The following RAD18 variants were observed in gnomAD, a reference collection of about 807,000 sequenced individuals.
RAD18 encodes the protein E3 ubiquitin-protein ligase RAD18.
Under a neutral mutation model 60.4 loss-of-function variants are expected in RAD18, and 47 were observed. The ratio of observed to expected loss-of-function variants is 0.78; its 90% CI spans 0.62 to 0.99. The LOEUF (loss-of-function observed/expected upper bound fraction) is 0.99. Ranked by LOEUF, RAD18 falls within the 50% of genes least tolerant of loss-of-function variation. The probability of loss-of-function intolerance (pLI) is 0.00; values close to 1 mark genes in which losing one functional copy is unlikely to be tolerated. For missense variants in RAD18, 640 were observed against 593.3 expected, an observed-to-expected ratio of 1.08 and a Z score of -0.82; for synonymous variants, 225 against 195.5, an observed-to-expected ratio of 1.15 and a Z score of -1.26.
At chr3:8,960,499 T>C (rs1330427872) in intron 1 of RAD18, among the ~76,000 whole-genome samples, 1 of 152,188 alleles carries the variant, frequency 6.6e-6, no homozygotes, top group Non-Finnish European at 1.5e-5. Context: ...AAAAAAGGAC[T>C]AATGTCGCTA....
At chr3:8,917,449 AAC>A (rs1940224685) in intron 7 of RAD18, among the ~76,000 whole-genome samples, 3 of 152,202 alleles carry the variant, frequency 2.0e-5, no homozygotes, top group African/African-American at 7.2e-5. Flanking sequence ...TTAATGGACA[AAC>A]AATAGCAATG....
chr3:8,958,963 C>T lies in RAD18; in HGVS notation c.90G>A (p.Glu30=), dbSNP rs146944501. ...DDLLRCGICF[E]YFNIAMIIPQ... Reference sequence around the variant, plus strand: ...GTATTATCATTGCAATGTTGAAATACTCGAAGCAAATTCCACACCGCAGCA... The same window carrying T: ...GTATTATCATTGCAATGTTGAAATATTCGAAGCAAATTCCACACCGCAGCA... The change falls in exon 2 of 13, where the codon GAG becomes GAA. Residue 30 remains glutamate, a synonymous_variant. Coordinates refer to ENST00000264926, the MANE Select transcript of RAD18 (RefSeq NM_020165.4). 1 of 1,613,868 alleles carries T rather than the reference C, an allele frequency of 6.2e-7. No homozygotes were observed. Among genetic ancestry groups the T allele is most frequent in the African/African-American group, 1.3e-5 (1 of 75,014 alleles).
rs1163543960 is a variant in RAD18, at chr3:8,879,263, G to T, written c.*2094C>A. ...CTTAACTGCCGGTATCTCAGAATGT[G>T]ACAGTATTTAGAGATAGGGCCCTCT... is the stretch of plus-strand genomic sequence containing the variant. On this transcript the variant is annotated 3_prime_UTR_variant, in exon 13 of 13. Transcript: ENST00000264926. The T allele has an allele frequency of 6.6e-6, 1 of 152,152 alleles. No individual in the cohort carries two copies. The highest frequency in any genetic ancestry group is 1.5e-5 in the Non-Finnish European group (1 of 68,038). The allele number at this position is 152,152 out of a possible 1,614,324, so 9.4% of individuals were successfully genotyped here.
chr3:8,955,999 T>G (rs1941004105), intron 2 of RAD18, among the ~76,000 whole-genome samples: 1 of 152,174 alleles, frequency 6.6e-6, no homozygotes, highest in Admixed American at 6.5e-5. Flanking sequence ...TAAGACACAG[T>G]AAGAGATTAG....
chr3:8,879,224 A>C lies in RAD18; in HGVS notation c.*2133T>G, dbSNP rs1939415034. On this transcript the variant is annotated 3_prime_UTR_variant, in exon 13 of 13. Transcript: ENST00000264926. ...GCGTGCCCCTTAACCCCTACCACTA[A>C]ATATGTTGGAAGTCTTAACTGCCGG... 6.6e-6 allele frequency: 1 copy of C among 152,120 alleles called. No homozygotes were observed. The highest frequency in any genetic ancestry group is 2.1e-4 in the South Asian group (1 of 4,814). The allele number at this position is 152,120 out of a possible 1,614,324, so 9.4% of individuals were successfully genotyped here.
At chr3:8,903,428 C>T (rs1049647383) in intron 9 of RAD18, among the ~76,000 whole-genome samples, 1 of 152,168 alleles carries the variant, frequency 6.6e-6, no homozygotes, top group Admixed American at 6.5e-5. Flanking sequence ...TACTCCAGCT[C>T]TCCTTTTTTT....
intron 7 of RAD18, among the ~76,000 whole-genome samples, chr3:8,926,277 G>A (rs1282316583): frequency 6.6e-6 from 1 of 151,176 alleles, no homozygotes; most frequent in Non-Finnish European, 1.5e-5. Flanking sequence ...AACAGACAGA[G>A]AGCCAAATCA....
At chr3:8,882,496 C>T (rs1333970790) in intron 12 of RAD18, among the ~76,000 whole-genome samples, 1 of 152,164 alleles carries the variant, frequency 6.6e-6, no homozygotes, top group Non-Finnish European at 1.5e-5. Flanking sequence ...ACCCCTGAGA[C>T]TCAGGCACAC....
At chr3:8,920,278 C>CAA (rs60504682) in intron 7 of RAD18, among the ~76,000 whole-genome samples, 719 of 69,812 alleles carry the variant, frequency 0.01, 9 homozygotes, top group East Asian at 0.055. Context: ...GACTCCGTCT[C>CAA]AAAAAAAAAA....
At chr3:8,889,065 T>C (rs1939634967) in intron 12 of RAD18, among the ~76,000 whole-genome samples, 1 of 152,210 alleles carries the variant, frequency 6.6e-6, no homozygotes, top group African/African-American at 2.4e-5. Flanking sequence ...TTACATAAAA[T>C]GCTACTGCTT....
At chr3:8,945,361 G>T (rs45515196) in intron 4 of RAD18, among the ~76,000 whole-genome samples, 1 of 152,120 alleles carries the variant, frequency 6.6e-6, no homozygotes, top group Non-Finnish European at 1.5e-5. Context: ...AATACACAGT[G>T]GTGGTTTCAT....
chr3:8,881,367 T>G lies in RAD18; in HGVS notation c.1478A>C (p.Asn493Thr), dbSNP rs771049896. The change falls in exon 13 of 13, where the codon AAT (asparagine) becomes ACT (threonine). Residue 493 changes from asparagine to threonine, a missense_variant. Transcript: ENST00000264926. Reference protein sequence around the residue: ...SAEIEPRNKRNRN With the variant: ...SAEIEPRNKRTRN Reference sequence around the variant, plus strand: ...CAGCAAAAGCCCACATTAATTCCTATTACGCTTGTTTCTTGGTTCAATCTC... The same window carrying G: ...CAGCAAAAGCCCACATTAATTCCTAGTACGCTTGTTTCTTGGTTCAATCTC... The G allele has an allele frequency of 6.2e-7, 1 of 1,603,914 alleles. No individual in the cohort carries two copies. Among genetic ancestry groups the G allele is most frequent in the Non-Finnish European group, 8.5e-7 (1 of 1,170,720 alleles).
chr3:8,930,035 T>C (rs952308728), intron 7 of RAD18, among the ~76,000 whole-genome samples: 5 of 152,188 alleles, frequency 3.3e-5, no homozygotes, highest in Admixed American at 2.6e-4. Flanking sequence ...AATGTTAAAA[T>C]AGAATTACCA....
At chr3:8,917,762 T>A (rs756377937) in intron 7 of RAD18, among the ~76,000 whole-genome samples, 4 of 151,942 alleles carry the variant, frequency 2.6e-5, no homozygotes, top group African/African-American at 4.8e-5. Flanking sequence ...GATATTAAAT[T>A]CAAAGCCAAC....
intron 9 of RAD18, among the ~76,000 whole-genome samples, chr3:8,903,252 A>G (rs17049729): frequency 0.022 from 3,284 of 152,246 alleles, 110 homozygotes; most frequent in African/African-American, 0.076. Flanking sequence ...CATTCTCTAG[A>G]AAGGCTTTTA....
intron 8 of RAD18, 125 bp downstream of exon 8, chr3:8,913,519 T>A (rs931750674): frequency 3.1e-6 from 2 of 640,688 alleles, no homozygotes; most frequent in African/African-American, 3.8e-5. Context: ...TGCAAGTAAA[T>A]CATAATACAC....
In RAD18 at chr3:8,958,954, G is replaced by A; in HGVS notation, c.99C>T (p.Asn33=). 1.2e-6 allele frequency: 2 copies of A among 1,613,768 alleles called. No individual in the cohort carries two copies. Among genetic ancestry groups the A allele is most frequent in the Non-Finnish European group, 1.7e-6 (2 of 1,179,756 alleles). Residue 33 remains asparagine, a synonymous_variant, in exon 2 of 13, where the codon AAC becomes AAT. Transcript: ENST00000264926. ...LRCGICFEYF[N]IAMIIPQCSH... ...AACACTGAGGTATTATCATTGCAATGTTGAAATACTCGAAGCAAATTCCAC... is the reference window on the plus strand; with the variant it reads ...AACACTGAGGTATTATCATTGCAATATTGAAATACTCGAAGCAAATTCCAC...
At chr3:8,933,109 T>TAAATA (rs59597167) in intron 7 of RAD18, among the ~76,000 whole-genome samples, 105,273 of 149,638 alleles carry the variant, frequency 0.7, 37,467 homozygotes, top group Middle Eastern at 0.78. Flanking sequence ...AATAAATAAA[T>TAAATA]AAATAAAATA....
At chr3:8,881,514 G>A in intron 12 of RAD18, 55 bp from the exon 13 acceptor site, 1 of 1,389,368 alleles carries the variant, frequency 7.2e-7, no homozygotes, top group South Asian at 1.2e-5. Context: ...TTGTACAGCA[G>A]TTTCTAGTTT....
Sources: gnomAD v4.1 joint callset for allele counts (sites outside exome capture counted in the v4.1 genomes callset) on GRCh38, gnomAD v4.1.1 for gene constraint, MANE v1.5 for transcripts, NCBI Gene and HGNC (gene_info 2026-07-23, HGNC 2026-07-21) for gene names.